Variants in FBXO34 observed in about 807,000 individuals in gnomAD.
FBXO34 encodes the protein F-box protein 34, also known as F-box only protein 34.
In FBXO34, 12 loss-of-function variants were observed where a neutral mutation model predicts 24.5. The observed-to-expected ratio is 0.49, with a 90% CI of 0.31 to 0.79. The LOEUF (loss-of-function observed/expected upper bound fraction) is 0.79, where lower values mean the gene tolerates loss of function less well. Ranked by LOEUF, FBXO34 falls within the 30% of genes least tolerant of loss-of-function variation. The pLI, the probability that FBXO34 is intolerant of heterozygous loss-of-function variation, is 0.04. For synonymous variants in FBXO34, 320 were observed against 311.9 expected (o/e 1.03, Z -0.27); for missense variants, 823 against 857.7 (o/e 0.96, Z 0.51).
At chr14:55,316,088 A>G (rs769839691) in intron 1 of FBXO34, among the ~76,000 whole-genome samples, 2 of 151,908 alleles carry the variant, frequency 1.3e-5, no homozygotes, top group African/African-American at 2.4e-5. Flanking sequence ...CTTGCCCTGT[A>G]TCACCTTTTA....
intron 1 of FBXO34, among the ~76,000 whole-genome samples, chr14:55,273,815 T>C (rs1881243477): frequency 1.3e-5 from 2 of 152,182 alleles, no homozygotes; most frequent in Non-Finnish European, 2.9e-5. Flanking sequence ...TTTTTTTGTA[T>C]GTTTTTTTGA....
At chr14:55,303,073 AAATT>A (rs1205067096) in intron 1 of FBXO34, among the ~76,000 whole-genome samples, 1 of 152,174 alleles carries the variant, frequency 6.6e-6, no homozygotes, top group Admixed American at 6.5e-5. Flanking sequence ...TTTCTGGAAT[AAATT>A]CTGAAAACAG....
intron 1 of FBXO34, among the ~76,000 whole-genome samples, chr14:55,291,237 G>C (rs1326601362): frequency 6.6e-6 from 1 of 152,138 alleles, no homozygotes; most frequent in Non-Finnish European, 1.5e-5. Flanking sequence ...CACAGTTTTT[G>C]TATTTGCTAA....
the FBXO34 span, chr14:55,440,692 G>C: frequency 1.1e-6 from 1 of 941,612 alleles, no homozygotes; most frequent in Non-Finnish European, 1.5e-6. Context: ...ATGGGCTAGG[G>C]GTGGGCCGGA....
chr14:55,349,855 C>T (rs971676225), intron 1 of FBXO34, among the ~76,000 whole-genome samples: 20 of 152,012 alleles, frequency 1.3e-4, no homozygotes, highest in African/African-American at 3.4e-4. Context: ...GATACGCCTG[C>T]CTTGTCCTCC....
At chr14:55,323,248 T>A (rs78564216) in intron 1 of FBXO34, among the ~76,000 whole-genome samples, 1,768 of 87,492 alleles carry the variant, frequency 0.02, 233 homozygotes, top group African/African-American at 0.11. Context: ...TTTTTTTTTT[T>A]AGAGACAGAG....
the FBXO34 span, chr14:55,391,160 G>A: frequency 1.4e-4 from 76 of 526,324 alleles, no homozygotes; most frequent in Middle Eastern, 5.4e-4. Flanking sequence ...AGAGAACGAT[G>A]TTTTTCTAGT....
chr14:55,275,411 GA>G (rs776671924), intron 1 of FBXO34, among the ~76,000 whole-genome samples: 4 of 152,134 alleles, frequency 2.6e-5, no homozygotes, highest in Non-Finnish European at 4.4e-5. Context: ...CTCAGATAGG[GA>G]CTGTGACACA....
At chr14:55,393,685 C>G in the FBXO34 span, among the ~76,000 whole-genome samples, 1 of 151,862 alleles carries the variant, frequency 6.6e-6, no homozygotes, top group Non-Finnish European at 1.5e-5. Context: ...GCTGGGACTA[C>G]AGGTATATAC....
intron 1 of FBXO34, among the ~76,000 whole-genome samples, chr14:55,328,660 A>T (rs1468402206): frequency 6.6e-6 from 1 of 152,218 alleles, no homozygotes; most frequent in African/African-American, 2.4e-5. Flanking sequence ...ATAAGGATAA[A>T]CTACTGTATA....
At chr14:55,411,655 G>A in the FBXO34 span, 1 of 1,613,522 alleles carries the variant, frequency 6.2e-7, no homozygotes, top group African/African-American at 1.3e-5. Context: ...GAACGCATTT[G>A]GCGCAGGTCA....
chr14:55,352,200 T>TAA lies in FBXO34; in HGVS notation c.1811_1812insAA (p.Tyr604Ter). The change falls in exon 2 of 2, where the codon TAT becomes TAAAT. Residue 604 changes from tyrosine to a stop codon, truncating the protein, a stop_gained and frameshift_variant. Coordinates refer to ENST00000313833, the MANE Select transcript of FBXO34 (RefSeq NM_017943.4). LOFTEE classifies it high-confidence loss of function. ...SLVALKCTCCYFKFIIEYYNI... is the reference protein window; with the variant it reads ...SLVALKCTCC Reference sequence around the variant, plus strand: ...AGTGGCCCTTAAATGTACCTGCTGCTATTTCAAGTTTATCATTGAGTACTA... The same window carrying TAA: ...AGTGGCCCTTAAATGTACCTGCTGCTAAATTTCAAGTTTATCATTGAGTACTA... 1.2e-6 allele frequency: 2 copies of TAA among 1,614,162 alleles called. No homozygotes were observed. The highest frequency in any genetic ancestry group is 1.7e-6 in the Non-Finnish European group (2 of 1,180,026).
chr14:55,350,917 A>T lies in FBXO34; in HGVS notation c.527A>T (p.Gln176Leu). 6.2e-7 allele frequency: 1 copy of T among 1,613,964 alleles called. No individual in the cohort carries two copies. The highest frequency in any genetic ancestry group is 8.5e-7 in the Non-Finnish European group (1 of 1,179,874). Residue 176 changes from glutamine to leucine, a missense_variant, in exon 2 of 2, where the codon CAA becomes CTA. Coordinates refer to ENST00000313833, the MANE Select transcript of FBXO34 (RefSeq NM_017943.4). ...AGGGAGGTTAACAGCAGGTGCTACC[A>T]ACCTGAGCCTTTTGCATGTGGCATT... Reference protein sequence around the residue: ...RMREVNSRCYQPEPFACGIEH... With the variant: ...RMREVNSRCYLPEPFACGIEH...
the FBXO34 span, among the ~76,000 whole-genome samples, chr14:55,406,981 A>C: frequency 7.2e-6 from 1 of 139,474 alleles, no homozygotes; most frequent in Non-Finnish European, 1.5e-5. Flanking sequence ...TTTTTTTTTG[A>C]GATGGAGTCT....
the FBXO34 span, chr14:55,411,918 G>C: frequency 1 from 1,202,605 of 1,204,290 alleles, 600,463 homozygotes; most frequent in Middle Eastern, 1. Context: ...GGGCTGGGAT[G>C]CCGGCGAGCC....
intron 1 of FBXO34, chr14:55,298,644 C>G (rs748391506): frequency 3.9e-5 from 57 of 1,469,084 alleles, no homozygotes; most frequent in Non-Finnish European, 5.2e-5. Context: ...GCGGCGAGCG[C>G]TGTTCGGGGC....
the FBXO34 span, among the ~76,000 whole-genome samples, chr14:55,398,567 C>A: frequency 1.3e-5 from 2 of 152,098 alleles, no homozygotes; most frequent in Non-Finnish European, 2.9e-5. Flanking sequence ...GATATACAGG[C>A]TTTTCTAGGT....
intron 1 of FBXO34, among the ~76,000 whole-genome samples, chr14:55,291,952 T>A (rs1881957860): frequency 6.6e-6 from 1 of 152,066 alleles, no homozygotes. Flanking sequence ...CGTGACAAAG[T>A]AAGACCTCAT....
chr14:55,386,018 T>C, the FBXO34 span: 1 of 1,614,220 alleles, frequency 6.2e-7, no homozygotes, highest in Non-Finnish European at 8.5e-7. Context: ...CTGAATCTTC[T>C]CCTTTTTCTC....
Sources: gnomAD v4.1 joint callset for allele counts (sites outside exome capture counted in the v4.1 genomes callset) on GRCh38, gnomAD v4.1.1 for gene constraint, MANE v1.5 for transcripts, NCBI Gene and HGNC (gene_info 2026-07-23, HGNC 2026-07-21) for gene names.